The following DLGAP1 variants were observed in gnomAD, a reference collection of about 807,000 sequenced individuals.
The protein encoded by DLGAP1 is disks large-associated protein 1.
DLGAP1 carries 11 observed loss-of-function variants against 90.8 expected under a neutral mutation model. The ratio of observed to expected loss-of-function variants is 0.12; its 90% CI spans 0.08 to 0.20. The LOEUF (loss-of-function observed/expected upper bound fraction) is 0.20, where lower values mean the gene tolerates loss of function less well. Ranked by LOEUF, DLGAP1 falls within the 10% of genes least tolerant of loss-of-function variation. DLGAP1 has a pLI of 1.00. For missense variants in DLGAP1, 1,050 were observed against 1,333.8 expected, an observed-to-expected ratio of 0.79 and a Z score of 3.31; for synonymous variants, 558 against 540.7, an observed-to-expected ratio of 1.03 and a Z score of -0.44.
intron 1 of DLGAP1, among the ~76,000 whole-genome samples, chr18:4,231,455 G>T (rs2078297099): frequency 6.6e-6 from 1 of 152,076 alleles, no homozygotes; most frequent in African/African-American, 2.4e-5. Context: ...TTATCAGATA[G>T]GCTGAGAGAG....
chr18:3,730,287 G>A (rs573749396), intron 6 of DLGAP1, among the ~76,000 whole-genome samples: 1 of 19,948 alleles, frequency 5.0e-5, no homozygotes, highest in South Asian at 3.1e-3. Context: ...AACCTGATAA[G>A]ATTCATAAAT....
intron 1 of DLGAP1, among the ~76,000 whole-genome samples, chr18:4,274,990 T>C (rs2079377954): frequency 1.3e-5 from 2 of 152,190 alleles, no homozygotes; most frequent in South Asian, 4.1e-4. Flanking sequence ...TTTCAAAGAA[T>C]TTATCAAAAT....
intron 8 of DLGAP1, among the ~76,000 whole-genome samples, chr18:3,576,321 G>A (rs1287220780): frequency 3.3e-5 from 5 of 150,540 alleles, no homozygotes; most frequent in South Asian, 2.1e-4. Flanking sequence ...GTGCAGTGGC[G>A]CGATCTCGGC....
chr18:3,901,390 G>A (rs954666326), intron 3 of DLGAP1, among the ~76,000 whole-genome samples: 2 of 151,974 alleles, frequency 1.3e-5, no homozygotes, highest in East Asian at 1.9e-4. Flanking sequence ...GGGTGACCAC[G>A]GTTACCCGTA....
intron 2 of DLGAP1, among the ~76,000 whole-genome samples, chr18:4,080,395 T>A (rs2075588192): frequency 6.6e-6 from 1 of 152,228 alleles, no homozygotes; most frequent in Admixed American, 6.5e-5. Context: ...TTATTTTCTG[T>A]TGGAGAAAAT....
chr18:3,833,053 T>TAACA (rs1406190145), intron 4 of DLGAP1, among the ~76,000 whole-genome samples: 2 of 152,226 alleles, frequency 1.3e-5, no homozygotes, highest in African/African-American at 4.8e-5. Context: ...ATCTCATAAA[T>TAACA]AACAGTAGCT....
chr18:4,249,956 C>T lies in DLGAP1; in HGVS notation c.-266-98669G>A, dbSNP rs546100287. 3.3e-5 allele frequency among the ~76,000 whole-genome samples: 5 copies of T among 152,320 alleles called. 1 individual carries two copies. The highest frequency in any genetic ancestry group is 1.2e-4 in the African/African-American group (5 of 41,572). ...TTCTCTCTCTGTCCTATTCCACTGT[C>T]CACAGTTATGTCTGATAGCCTTTAA... On this transcript the variant is annotated intron_variant, in intron 1 of 12. Coordinates refer to ENST00000315677, the MANE Select transcript of DLGAP1 (RefSeq NM_004746.4).
intron 1 of DLGAP1, among the ~76,000 whole-genome samples, chr18:4,305,534 CAAA>C (rs562977821): frequency 9.6e-5 from 7 of 73,072 alleles, no homozygotes; most frequent in Admixed American, 3.0e-4. Flanking sequence ...AACTCCGTCT[CAAA>C]AAAAAAAAAA....
intron 2 of DLGAP1, among the ~76,000 whole-genome samples, chr18:4,105,355 C>T (rs923887078): frequency 1.3e-5 from 2 of 152,104 alleles, no homozygotes; most frequent in African/African-American, 4.8e-5. Flanking sequence ...ATTTTAAATG[C>T]CATTTCTTTG....
chr18:4,009,054 G>T (rs11081085), intron 2 of DLGAP1, among the ~76,000 whole-genome samples: 30,940 of 152,118 alleles, frequency 0.2, 3,327 homozygotes, highest in African/African-American at 0.28. Flanking sequence ...CAAGGCGCCC[G>T]CCACCATGCC....
intron 2 of DLGAP1, among the ~76,000 whole-genome samples, chr18:4,005,706 TA>T (rs1416435357): frequency 6.6e-6 from 1 of 152,160 alleles, no homozygotes; most frequent in African/African-American, 2.4e-5. Flanking sequence ...GCTGCTCTGA[TA>T]GGAGCCTTCT....
At chr18:3,741,286 A>T (rs1302692736) in intron 6 of DLGAP1, among the ~76,000 whole-genome samples, 1 of 97,786 alleles carries the variant, frequency 1.0e-5, no homozygotes, top group East Asian at 3.0e-4. Flanking sequence ...CACCATCACC[A>T]CCACCACCAC....
chr18:3,580,922 C>A (rs889847008), intron 8 of DLGAP1, among the ~76,000 whole-genome samples: 1 of 152,132 alleles, frequency 6.6e-6, no homozygotes, highest in African/African-American at 2.4e-5. Flanking sequence ...ATCCCCCAGC[C>A]CCAGGAAATG....
chr18:4,345,917 T>A (rs527421652), intron 1 of DLGAP1, among the ~76,000 whole-genome samples: 1 of 152,238 alleles, frequency 6.6e-6, no homozygotes, highest in Admixed American at 6.5e-5. Flanking sequence ...AAGTGAAGTC[T>A]GCTTTGCAAC....
chr18:4,032,869 G>C (rs1452877197), intron 2 of DLGAP1, among the ~76,000 whole-genome samples: 5 of 152,152 alleles, frequency 3.3e-5, no homozygotes, highest in Admixed American at 2.6e-4. Flanking sequence ...CTTGATGATA[G>C]CAAACATTAT....
intron 1 of DLGAP1, among the ~76,000 whole-genome samples, chr18:4,216,410 ACT>A (rs2077957635): frequency 6.6e-6 from 1 of 151,800 alleles, no homozygotes; most frequent in Non-Finnish European, 1.5e-5. Context: ...TAAATGTTAC[ACT>A]CTTTAATTTT....
In DLGAP1 at chr18:3,580,681, C is replaced by T. The variant is rs529770309; in HGVS notation, c.1965+1194G>A. 2.2e-5 allele frequency: 36 copies of T among 1,611,404 alleles called. No individual in the cohort carries two copies. In the South Asian group the frequency reaches 2.3e-4, roughly 10 times the overall value. On this transcript the variant is annotated intron_variant, in intron 8 of 12. Coordinates refer to ENST00000315677, the MANE Select transcript of DLGAP1 (RefSeq NM_004746.4). ...GATTGCTGGGCCCGGCCCCTGAGGA[C>T]GACGGTGGCCACAATGATCACAGTC...
At chr18:4,260,317 T>A (rs1015867706) in intron 1 of DLGAP1, among the ~76,000 whole-genome samples, 7 of 152,110 alleles carry the variant, frequency 4.6e-5, no homozygotes, top group Admixed American at 4.6e-4. Flanking sequence ...AAAGCAAATA[T>A]TTGAGGGGTT....
chr18:3,717,730 T>C (rs530183622), intron 7 of DLGAP1, among the ~76,000 whole-genome samples: 182 of 152,348 alleles, frequency 1.2e-3, no homozygotes, highest in Admixed American at 3.1e-3. Context: ...GGAAATCTTA[T>C]GTTCTCACCT....
Sources: allele counts gnomAD v4.1 joint callset (sites outside exome capture counted in the v4.1 genomes callset), GRCh38; gene constraint gnomAD v4.1.1; transcripts MANE v1.5; gene names NCBI Gene and HGNC (gene_info 2026-07-23, HGNC 2026-07-21).